Variants in UTP20 observed in about 807,000 individuals in gnomAD.
The protein encoded by UTP20 is small subunit processome component 20 homolog.
Under a neutral mutation model 329.5 loss-of-function variants are expected in UTP20, and 164 were observed. The observed-to-expected ratio is 0.50, with a 90% CI of 0.44 to 0.57. UTP20 has a LOEUF of 0.57. Among genes scored for constraint, UTP20 ranks in the 20% least tolerant of loss-of-function variants. The pLI is 0.00. For missense variants in UTP20, 3,055 were observed against 3,284.2 expected, an observed-to-expected ratio of 0.93 and a Z score of 1.71; for synonymous variants, 1,151 against 1,159.3, an observed-to-expected ratio of 0.99 and a Z score of 0.14.
At chr12:101,366,862 T>C (rs1870111857) in intron 47 of UTP20, among the ~76,000 whole-genome samples, 163 bp downstream of exon 47, 1 of 152,148 alleles carries the variant, frequency 6.6e-6, no homozygotes, top group Non-Finnish European at 1.5e-5. Flanking sequence ...TTACTATTTA[T>C]CTCTTGCAGC....
chr12:101,366,549 G>A lies in UTP20; in HGVS notation c.6126-9G>A. On this transcript the variant is annotated splice_polypyrimidine_tract_variant and intron_variant, in intron 46 of 61. Coordinates refer to ENST00000261637, the MANE Select transcript of UTP20 (RefSeq NM_014503.3). Reference sequence around the variant, plus strand: ...TCTTTACCCTCTTCTCATGCCACGTGATTGACAGAAATCCAGTAGCCCCAG... The same window carrying A: ...TCTTTACCCTCTTCTCATGCCACGTAATTGACAGAAATCCAGTAGCCCCAG... 1.2e-6 allele frequency: 2 copies of A among 1,608,596 alleles called. No homozygotes were observed. The highest frequency in any genetic ancestry group is 1.3e-5 in the African/African-American group (1 of 74,728).
chr12:101,343,425 T>TAG (rs1384287969), intron 35 of UTP20, among the ~76,000 whole-genome samples: 1 of 152,176 alleles, frequency 6.6e-6, no homozygotes, highest in African/African-American at 2.4e-5. Flanking sequence ...CTAATGGGTA[T>TAG]AGGGTTTCTT....
At chr12:101,320,492 G>T (rs1873114152) in intron 23 of UTP20, among the ~76,000 whole-genome samples, 1 of 151,882 alleles carries the variant, frequency 6.6e-6, no homozygotes, top group Non-Finnish European at 1.5e-5. Context: ...GGAGGCAGAG[G>T]TTGCAGTGAG....
intron 22 of UTP20, among the ~76,000 whole-genome samples, 182 bp from the exon 23 acceptor site, chr12:101,319,363 C>T (rs2290719): frequency 0.33 from 50,689 of 152,006 alleles, 9,035 homozygotes; most frequent in Middle Eastern, 0.47. Context: ...CAGGCCTGCC[C>T]AAAATATGGG....
Position 101,386,048 on chromosome 12 carries a change from A to ATC in UTP20, c.8283_8284insTC (p.Glu2762SerfsTer18). On this transcript the variant is annotated frameshift_variant, in exon 62 of 62. Coordinates refer to ENST00000261637, the MANE Select transcript of UTP20 (RefSeq NM_014503.3). LOFTEE classifies it high-confidence loss of function. ...AAAGTGAAGCAAAGAAGAGAAAGAT[A>ATC]GAGTTCCTGCGTCCAGGATATAAGG... The ATC allele has an allele frequency of 6.2e-7, 1 of 1,609,834 alleles. No individual in the cohort carries two copies. Among genetic ancestry groups the ATC allele is most frequent in the Non-Finnish European group, 8.5e-7 (1 of 1,179,266 alleles).
chr12:101,342,495 G>A lies in UTP20; in HGVS notation c.4151G>A (p.Cys1384Tyr). Reference protein sequence around the residue: ...LVTVQNLLKHCVDPTSFLKPI... With the variant: ...LVTVQNLLKHYVDPTSFLKPI... ...ACAGTACAAAACTTGTTAAAGCATT[G>A]TGTGGACCCTACAAGCTTCCTCAAG... The change falls in exon 33 of 62, where the codon TGT (cysteine) becomes TAT (tyrosine). Residue 1384 changes from cysteine to tyrosine, a missense_variant. By Grantham distance (194) the Cys-to-Tyr change is radical. Transcript: ENST00000261637. 1.2e-6 allele frequency: 2 copies of A among 1,613,268 alleles called. No individual in the cohort carries two copies. Among genetic ancestry groups the A allele is most frequent in the Non-Finnish European group, 1.7e-6 (2 of 1,179,626 alleles).
At chr12:101,280,394 G>A (rs1030816616) in intron 1 of UTP20, 67 bp downstream of exon 1, 56 of 1,544,256 alleles carry the variant, frequency 3.6e-5, no homozygotes, top group Non-Finnish European at 4.7e-5. Context: ...CAGGCTCTGA[G>A]CGAGACTCCA....
At chr12:101,377,444 C>T (rs1267416819) in intron 56 of UTP20, among the ~76,000 whole-genome samples, 1 of 152,078 alleles carries the variant, frequency 6.6e-6, no homozygotes, top group African/African-American at 2.4e-5. Flanking sequence ...GATTCTTCTG[C>T]CTCAGCCTCC....
Position 101,343,097 on chromosome 12 carries a change from G to A in UTP20, c.4449+4G>A, listed in dbSNP as rs2120938608. The stretch of plus-strand genomic sequence containing the variant: ...TAATTGTTTCTATAATCTAGAGGTA[G>A]GTTATTATAGCAAAATTTTTAAATT... On this transcript the variant is annotated splice_donor_region_variant and intron_variant, in intron 35 of 61. Coordinates refer to ENST00000261637, the MANE Select transcript of UTP20 (RefSeq NM_014503.3). 2 of 1,576,972 alleles carry A rather than the reference G, an allele frequency of 1.3e-6. No individual in the cohort carries two copies. Among genetic ancestry groups the A allele is most frequent in the Non-Finnish European group, 1.7e-6 (2 of 1,159,424 alleles).
intron 45 of UTP20, among the ~76,000 whole-genome samples, 180 bp downstream of exon 45, chr12:101,363,923 A>G (rs997091407): frequency 1.3e-5 from 2 of 152,178 alleles, no homozygotes; most frequent in African/African-American, 4.8e-5. Flanking sequence ...ATAGTCCCCT[A>G]TGTAAACCAT....
Position 101,306,717 on chromosome 12 carries a change from A to T in UTP20, c.1951A>T (p.Arg651Trp). The T allele has an allele frequency of 6.2e-7, 1 of 1,606,254 alleles. No homozygotes were observed. The change falls in exon 17 of 62, where the codon AGG becomes TGG. Residue 651 changes from arginine to tryptophan, a missense_variant. Coordinates refer to ENST00000261637, the MANE Select transcript of UTP20 (RefSeq NM_014503.3). ...TCTCCAGATTCGGCTTTTGACAATA[A>T]GGATCCTAAACCATTTTGATGTCCA... ...GVSKIRLLTIRILNHFDVQLP... is the reference protein window; with the variant it reads ...GVSKIRLLTIWILNHFDVQLP...
At chr12:101,340,363 C>T (rs775539403) in intron 31 of UTP20, among the ~76,000 whole-genome samples, 160 bp from the exon 32 acceptor site, 2 of 152,154 alleles carry the variant, frequency 1.3e-5, no homozygotes, top group Non-Finnish European at 2.9e-5. Flanking sequence ...AGCTAAGTAA[C>T]TGAGGTAAAC....
intron 38 of UTP20, among the ~76,000 whole-genome samples, chr12:101,347,002 C>T (rs952278931): frequency 1.3e-5 from 2 of 152,150 alleles, no homozygotes; most frequent in Non-Finnish European, 2.9e-5. Flanking sequence ...ATTTCAAGTG[C>T]TTCATTCTCA....
intron 21 of UTP20, 105 bp from the exon 22 acceptor site, chr12:101,317,373 G>T (rs771890511): frequency 2.3e-4 from 284 of 1,240,340 alleles, no homozygotes; most frequent in Non-Finnish European, 3.0e-4. Flanking sequence ...TGTCTCTTCA[G>T]TGTGTGATTC....
intron 22 of UTP20, among the ~76,000 whole-genome samples, chr12:101,318,534 G>C (rs934757576): frequency 2.2e-4 from 34 of 152,182 alleles, no homozygotes; most frequent in African/African-American, 8.2e-4. Flanking sequence ...GAAGTTATTG[G>C]AGCACAGTAA....
intron 30 of UTP20, among the ~76,000 whole-genome samples, chr12:101,338,602 G>T (rs1209810695): frequency 6.6e-6 from 1 of 151,824 alleles, no homozygotes; most frequent in African/African-American, 2.4e-5. Flanking sequence ...AAGCCTCAGG[G>T]GTCTCTTAAA....
Position 101,306,771 on chromosome 12 carries a change from CT to C in UTP20, c.1995+11del, listed in dbSNP as rs775404915. ...TCCAGAATCAATGGAGGTATTTTAA[CT>C]GTTTGAGTGGATAGGTTTTAAAAAA... On this transcript the variant is annotated intron_variant, in intron 17 of 61. Transcript: ENST00000261637. 1.3e-6 allele frequency: 2 copies of C among 1,596,314 alleles called. No homozygotes were observed. The highest frequency in any genetic ancestry group is 2.2e-5 in the East Asian group (1 of 44,526).
At chr12:101,329,139 A>G in intron 26 of UTP20, 102 bp from the exon 27 acceptor site, 1 of 1,009,204 alleles carries the variant, frequency 9.9e-7, no homozygotes, top group Admixed American at 2.3e-5. Context: ...GACAGTAGAA[A>G]ATACTGTATT....
intron 20 of UTP20, 66 bp downstream of exon 20, chr12:101,311,864 C>A: frequency 6.4e-7 from 1 of 1,561,132 alleles, no homozygotes; most frequent in African/African-American, 1.4e-5. Flanking sequence ...GTTTTTATTG[C>A]TTAATTACTC....
Sources: gnomAD v4.1 joint callset for allele counts (sites outside exome capture counted in the v4.1 genomes callset) on GRCh38, gnomAD v4.1.1 for gene constraint, MANE v1.5 for transcripts, NCBI Gene and HGNC (gene_info 2026-07-23, HGNC 2026-07-21) for gene names.